The following VNN2 variants were observed in gnomAD, a reference collection of about 807,000 sequenced individuals.
The protein encoded by VNN2 is vanin 2.
In VNN2, 43 loss-of-function variants were observed where a neutral mutation model predicts 43.0. That is an observed-to-expected ratio of 1.00 (90% CI 0.78 to 1.29). The LOEUF (loss-of-function observed/expected upper bound fraction) is 1.29, where lower values mean the gene tolerates loss of function less well. Among genes scored for constraint, VNN2 ranks in the 50% most tolerant of loss-of-function variants. The pLI is 0.00. For synonymous variants in VNN2, 230 were observed against 224.3 expected (o/e 1.03, Z -0.23); for missense variants, 652 against 619.7 (o/e 1.05, Z -0.55).
intron 5 of VNN2, among the ~76,000 whole-genome samples, chr6:132,750,513 A>ATATATATATATTTTTTTTTTTT (rs201643856): frequency 1.3e-5 from 1 of 78,516 alleles, no homozygotes; most frequent in African/African-American, 4.9e-5. Flanking sequence ...ATATATATAT[A>ATATATATATATTTTTTTTTTTT]TTTTTCCAGG....
In VNN2 at chr6:132,744,245, G is replaced by A. The variant is rs1361973291; in HGVS notation, c.*55C>T. The A allele has an allele frequency of 1.4e-5, 22 of 1,526,576 alleles. No homozygotes were observed. Among genetic ancestry groups the A allele is most frequent in the Middle Eastern group, 2.0e-4 (1 of 5,100 alleles). 94.6% of individuals were successfully genotyped at this position (1,526,576 alleles called of 1,614,324 possible). ...AGTTTCTTAGTAAACTTGGGAAGCC[G>A]ATAAACACATTCAGCCAAGCATATG... On this transcript the variant is annotated 3_prime_UTR_variant, in exon 7 of 7. Transcript: ENST00000326499.
chr6:132,758,018 CTTCTTCTTCTTCTTCTTCTTCTTTTTTT>C, upstream of VNN2: 22 of 159,810 alleles, frequency 1.4e-4, 1 homozygote, highest in Admixed American at 1.8e-4. Flanking sequence ...TCTTCTTCTT[CTTCTTCTTCTTCTTCTTCTTCTTTTTTT>C]TTTTTTTTTT....
chr6:132,751,095 C>A, intron 5 of VNN2, 50 bp downstream of exon 5: 1 of 1,526,584 alleles, frequency 6.6e-7, no homozygotes, highest in Non-Finnish European at 8.8e-7. Flanking sequence ...AAAAAGTTAA[C>A]CTGGAATTTA....
At chr6:132,761,345 A>G (rs1199644988), upstream of VNN2, among the ~76,000 whole-genome samples, 6 of 148,866 alleles carry the variant, frequency 4.0e-5, no homozygotes, top group African/African-American at 1.5e-4. Context: ...ATTTGGTCAA[A>G]GAGTCACCAT....
At chr6:132,753,031 GC>G (rs1299199625) in intron 3 of VNN2, 16 of 322,310 alleles carry the variant, frequency 5.0e-5, no homozygotes, top group Non-Finnish European at 9.1e-5. Flanking sequence ...AAGTCCGTAA[GC>G]TTTTTTTAAA....
upstream of VNN2, among the ~76,000 whole-genome samples, chr6:132,761,615 G>A (rs754289164): frequency 6.6e-6 from 1 of 152,078 alleles, no homozygotes; most frequent in Non-Finnish European, 1.5e-5. Flanking sequence ...AGCCGAGATA[G>A]CACCATTGCA....
Position 132,755,856 on chromosome 6 carries a change from G to C in VNN2, c.524C>G (p.Ala175Gly). The C allele has an allele frequency of 6.2e-7, 1 of 1,612,184 alleles. No homozygotes were observed. Among genetic ancestry groups the C allele is most frequent in the Non-Finnish European group, 8.5e-7 (1 of 1,178,916 alleles). The change falls in exon 3 of 7, where the codon GCA (alanine) becomes GGA (glycine). Residue 175 changes from alanine to glycine, a missense_variant. By Grantham distance (60) the Ala-to-Gly change is moderately conservative. Coordinates refer to ENST00000326499, the MANE Select transcript of VNN2 (RefSeq NM_004665.6). ...VVYNTEGKLV[A>G]RYHKYHLYSE... ...ACTCTCTCTTACCTTATGGTAACGT[G>C]CCACGAGTTTTCCTTCTGTATTATA...
At chr6:132,753,008 C>T in intron 3 of VNN2, 1 of 396,078 alleles carries the variant, frequency 2.5e-6, no homozygotes. Flanking sequence ...CAAATACCCC[C>T]CCATAAACCC....
upstream of VNN2, among the ~76,000 whole-genome samples, chr6:132,759,412 C>A (rs991361576): frequency 7.8e-6 from 1 of 128,298 alleles, no homozygotes; most frequent in African/African-American, 3.1e-5. Flanking sequence ...GCGCTCCAGG[C>A]TGGGCGACAG....
intron 3 of VNN2, among the ~76,000 whole-genome samples, chr6:132,755,640 G>T (rs1780416634): frequency 1.3e-5 from 2 of 151,946 alleles, no homozygotes; most frequent in South Asian, 2.1e-4. Context: ...CTCCCAAAGT[G>T]CTGGGCTTAC....
chr6:132,747,603 C>A (rs754852715), intron 6 of VNN2, among the ~76,000 whole-genome samples: 9 of 151,886 alleles, frequency 5.9e-5, no homozygotes, highest in Non-Finnish European at 8.8e-5. Flanking sequence ...GGCAACACAG[C>A]GAGACGCCAT....
chr6:132,757,290 G>A, intron 2 of VNN2, 126 bp downstream of exon 2: 1 of 1,160,754 alleles, frequency 8.6e-7, no homozygotes, highest in East Asian at 2.7e-5. Flanking sequence ...TCTGACAAAT[G>A]TTGAGATAAA....
At chr6:132,750,716 G>A (rs6937989) in intron 5 of VNN2, among the ~76,000 whole-genome samples, 52,284 of 149,400 alleles carry the variant, frequency 0.35, 9,430 homozygotes, top group Middle Eastern at 0.45. Flanking sequence ...TACAAAACCC[G>A]GGACATCTGA....
upstream of VNN2, chr6:132,758,013 TTCTTCTTCTTCTTCTTCTTCTTCTTC>T: frequency 4.7e-6 from 1 of 211,366 alleles, no homozygotes; most frequent in Non-Finnish European, 7.3e-6. Flanking sequence ...CTTCTTCTTC[TTCTTCTTCTTCTTCTTCTTCTTCTTC>T]TTTTTTTTTT....
At chr6:132,746,901 C>T (rs1418467976) in intron 6 of VNN2, among the ~76,000 whole-genome samples, 1 of 149,134 alleles carries the variant, frequency 6.7e-6, no homozygotes, top group African/African-American at 2.5e-5. Flanking sequence ...AGTCATGCCA[C>T]AGAGAATCTA....
chr6:132,757,536 A>T lies in VNN2; in HGVS notation c.224T>A (p.Ile75Asn). 1 of 1,613,674 alleles carries T rather than the reference A, an allele frequency of 6.2e-7. No homozygotes were observed. The highest frequency in any genetic ancestry group is 8.5e-7 in the Non-Finnish European group (1 of 1,179,898). Reference protein sequence around the residue: ...IKQAAEQGARIIVTPEDALYG... With the variant: ...IKQAAEQGARNIVTPEDALYG... ...AAGTGCATCTTCTGGAGTCACAATG[A>T]TTCGAGCACCCTGTTCAAAACAAGC... is the stretch of plus-strand genomic sequence containing the variant. Residue 75 changes from isoleucine (I) to asparagine (N), a missense_variant, in exon 2 of 7, where the codon ATC becomes AAC. Coordinates refer to ENST00000326499, the MANE Select transcript of VNN2 (RefSeq NM_004665.6).
At chr6:132,746,797 C>A (rs1035283697) in intron 6 of VNN2, among the ~76,000 whole-genome samples, 1 of 152,214 alleles carries the variant, frequency 6.6e-6, no homozygotes, top group East Asian at 1.9e-4. Flanking sequence ...GCTAAGGGAA[C>A]CTATTTTTTA....
At chr6:132,763,119 A>T (rs1444422209) in intron 1 of VNN2, among the ~76,000 whole-genome samples, 3 of 152,180 alleles carry the variant, frequency 2.0e-5, no homozygotes, top group Non-Finnish European at 4.4e-5. Context: ...CACCACAGAA[A>T]TAAATCCACA....
intron 3 of VNN2, chr6:132,753,610 G>T (rs1780269752): frequency 3.3e-6 from 1 of 306,480 alleles, no homozygotes; most frequent in Non-Finnish European, 6.5e-6. Context: ...CTGCAGTGTA[G>T]AAAAAATATC....
Sources: allele counts gnomAD v4.1 joint callset (sites outside exome capture counted in the v4.1 genomes callset), GRCh38; gene constraint gnomAD v4.1.1; transcripts MANE v1.5; gene names NCBI Gene and HGNC (gene_info 2026-07-23, HGNC 2026-07-21).